ANKRD42: variants seen among roughly 807,000 people sequenced by gnomAD.
ANKRD42 encodes ankyrin repeat domain-containing protein 42.
ANKRD42 carries 43 observed loss-of-function variants against 51.5 expected under a neutral mutation model. The ratio of observed to expected loss-of-function variants is 0.83; its 90% confidence interval spans 0.65 to 1.08. The LOEUF is 1.08. Ranked by LOEUF, ANKRD42 falls within the 50% of genes least tolerant of loss-of-function variation. The probability of loss-of-function intolerance (pLI) is 0.00; values close to 1 mark genes in which losing one functional copy is unlikely to be tolerated. For synonymous variants in ANKRD42, 203 were observed against 213.0 expected, an observed-to-expected ratio of 0.95 and a Z score of 0.41; for missense variants, 608 against 629.3, an observed-to-expected ratio of 0.97 and a Z score of 0.36.
At chr11:83,253,086 A>G (rs1462777043), downstream of ANKRD42, among the ~76,000 whole-genome samples, 2 of 152,064 alleles carry the variant, frequency 1.3e-5, no homozygotes, top group Non-Finnish European at 2.9e-5. Flanking sequence ...CTTATTTTCT[A>G]CCTACAAAGG....
chr11:83,237,158 G>A (rs902829926), intron 8 of ANKRD42, among the ~76,000 whole-genome samples: 6 of 152,234 alleles, frequency 3.9e-5, no homozygotes, highest in African/African-American at 1.2e-4. Context: ...CACAGTCACC[G>A]CCCTCAAGGA....
At chr11:83,240,664 G>A in intron 8 of ANKRD42, 95 bp from the exon 9 acceptor site, 1 of 1,366,634 alleles carries the variant, frequency 7.3e-7, no homozygotes, top group Non-Finnish European at 1.0e-6. Context: ...TTGATGGCAG[G>A]GTGTACAGAG....
chr11:83,200,987 C>CT (rs891112010), intron 2 of ANKRD42, among the ~76,000 whole-genome samples: 22 of 151,262 alleles, frequency 1.5e-4, no homozygotes, highest in South Asian at 6.3e-4. Flanking sequence ...CTTTTCTTTT[C>CT]TTTTTTTTTA....
At chr11:83,208,821 G>C (rs1055686173) in intron 3 of ANKRD42, among the ~76,000 whole-genome samples, 1 of 152,144 alleles carries the variant, frequency 6.6e-6, no homozygotes, top group Non-Finnish European at 1.5e-5. Context: ...TGAAAAGGGG[G>C]CTGGAGAAAA....
At chr11:83,237,747 A>G (rs1863264950) in intron 8 of ANKRD42, among the ~76,000 whole-genome samples, 1 of 152,214 alleles carries the variant, frequency 6.6e-6, no homozygotes, top group Admixed American at 6.5e-5. Context: ...TTGACACACA[A>G]TAAAATGCAT....
rs1214506625 is a variant in ANKRD42, at chr11:83,206,133, G to C, written c.298G>C (p.Ala100Pro). The C allele has an allele frequency of 1.9e-6, 3 of 1,613,972 alleles. No homozygotes were observed. Among genetic ancestry groups the C allele is most frequent in the East Asian group, 2.2e-5 (1 of 44,872 alleles). Residue 100 changes from alanine to proline, a missense_variant, in exon 3 of 11, where the codon GCT becomes CCT. Transcript: ENST00000533342. ...GAGAGGTTGGACAGCATCTCACATA[G>C]CTGCAATCAGGGGTCAGGATGCTTG... ...TTRGWTASHIAAIRGQDACVQ... is the reference protein window; with the variant it reads ...TTRGWTASHIPAIRGQDACVQ...
chr11:83,230,422 A>G (rs548224480), intron 7 of ANKRD42, among the ~76,000 whole-genome samples: 2 of 151,270 alleles, frequency 1.3e-5, no homozygotes, highest in African/African-American at 2.4e-5. Flanking sequence ...ACCTTTCCCA[A>G]CCTCTGGTAA....
chr11:83,207,495 T>G (rs759217778), intron 3 of ANKRD42, among the ~76,000 whole-genome samples: 2 of 152,118 alleles, frequency 1.3e-5, no homozygotes, highest in African/African-American at 4.8e-5. Context: ...ATGGAGGAAA[T>G]AAAACATCAG....
chr11:83,263,678 T>C (rs936520729), downstream of ANKRD42, among the ~76,000 whole-genome samples: 2 of 152,176 alleles, frequency 1.3e-5, no homozygotes, highest in African/African-American at 4.8e-5. Context: ...CTGAGGATTT[T>C]AAAAATTGGA....
chr11:83,194,393 G>A lies in ANKRD42; in HGVS notation c.-278G>A. On this transcript the variant is annotated 5_prime_UTR_variant, in exon 1 of 11. It adds an upstream start codon to the 5' untranslated region. Transcript: ENST00000533342. ...GTTGGTAGTTCTTGGGAGGAAGTAA[G>A]TGGAGACCGCGGCTACGCAGCCAGC... The A allele has an allele frequency of 1.5e-6, 1 of 657,938 alleles. No individual in the cohort carries two copies. The highest frequency in any genetic ancestry group is 2.8e-6 in the Non-Finnish European group (1 of 356,826). The allele number at this position is 657,938 out of a possible 1,614,324, so 40.8% of individuals were successfully genotyped here.
chr11:83,255,986 A>G (rs1591017641), exon 12 of ANKRD42: 2 of 1,314,052 alleles, frequency 1.5e-6, no homozygotes, highest in Middle Eastern at 3.7e-4. Context: ...CATTAAAAAA[A>G]TTGATATAAA....
At chr11:83,217,469 A>T (rs1302495663) in intron 5 of ANKRD42, among the ~76,000 whole-genome samples, 1 of 152,208 alleles carries the variant, frequency 6.6e-6, no homozygotes, top group Admixed American at 6.5e-5. Flanking sequence ...CTGTCCTAAG[A>T]TTCGTCGGAT....
chr11:83,198,740 A>G, intron 2 of ANKRD42, 98 bp downstream of exon 2: 6 of 1,120,608 alleles, frequency 5.4e-6, no homozygotes, highest in Non-Finnish European at 7.2e-6. Context: ...TAGGTACTGC[A>G]TATATTTTCT....
exon 12 of ANKRD42, chr11:83,255,958 TG>T: frequency 6.8e-7 from 1 of 1,480,360 alleles, no homozygotes; most frequent in Non-Finnish European, 9.0e-7. Context: ...TAAATTGACC[TG>T]CTAGATTTTT....
chr11:83,242,566 A>ATTTTTTTTTTTTTTT (rs1565196033), intron 9 of ANKRD42, among the ~76,000 whole-genome samples: 1 of 64,888 alleles, frequency 1.5e-5, no homozygotes, highest in Non-Finnish European at 3.1e-5. Context: ...ATGGTAGTTA[A>ATTTTTTTTTTTTTTT]GTTTTTTTTT....
intron 6 of ANKRD42, among the ~76,000 whole-genome samples, chr11:83,225,642 C>T (rs1347939712): frequency 4.0e-5 from 6 of 150,930 alleles, no homozygotes; most frequent in African/African-American, 9.7e-5. Flanking sequence ...AGGCCAGATG[C>T]GGTGGCTCAC....
rs369901302 is a variant in ANKRD42 at position 83,234,845 on chromosome 11, G to A, written c.914-1559G>A. On this transcript the variant is annotated intron_variant, in intron 7 of 10. Coordinates refer to ENST00000533342, the MANE Select transcript of ANKRD42 (RefSeq NM_001300975.2). ...GAAGCCCCAGACTCTGCAGAAGCCA[G>A]CTTGTAATTTGGCAGATGGCTCTGA... Among the ~76,000 whole-genome samples, 4 of 152,188 alleles carry A rather than the reference G, an allele frequency of 2.6e-5. No individual in the cohort carries two copies. In the East Asian group the frequency reaches 7.7e-4, roughly 29 times the overall value.
chr11:83,236,516 A>G lies in ANKRD42; in HGVS notation c.1019+7A>G. ...CCAGTGATGTGGCAAAGAGGTATAA[A>G]TCTCTGTCTTCTTTACTCCTTTCTT... On this transcript the variant is annotated splice_region_variant and intron_variant, in intron 8 of 10. Transcript: ENST00000533342. The G allele has an allele frequency of 1.3e-6, 2 of 1,596,394 alleles. No homozygotes were observed. Among genetic ancestry groups the G allele is most frequent in the Non-Finnish European group, 1.7e-6 (2 of 1,170,540 alleles).
Position 83,240,765 on chromosome 11 carries a change from C to G in ANKRD42, c.1026C>G (p.Ala342=), listed in dbSNP as rs137950998. Residue 342 remains alanine, a synonymous_variant, in exon 9 of 11, where the codon GCC becomes GCG. Coordinates refer to ENST00000533342, the MANE Select transcript of ANKRD42 (RefSeq NM_001300975.2). ...TATTGATTCTTTTCTACAGGTTTGC[C>G]CATTTGGCAGCAGTGAAGCTGTTAG... ...ERPSDVAKRF[A]HLAAVKLLEE... 6.8e-6 allele frequency: 11 copies of G among 1,613,538 alleles called. No individual in the cohort carries two copies. The highest frequency in any genetic ancestry group is 1.3e-5 in the African/African-American group (1 of 74,844).
Sources: allele counts gnomAD v4.1 joint callset (sites outside exome capture counted in the v4.1 genomes callset), GRCh38; gene constraint gnomAD v4.1.1; transcripts MANE v1.5; gene names NCBI Gene and HGNC (gene_info 2026-07-23, HGNC 2026-07-21).